Variants in GDA observed in about 807,000 individuals in gnomAD.
GDA encodes the protein guanine deaminase.
A neutral mutation model predicts 59.6 loss-of-function variants in GDA; 18 were observed. The observed-to-expected ratio is 0.30, with a 90% CI of 0.21 to 0.45. The LOEUF is 0.45. Among genes scored for constraint, GDA ranks in the 20% least tolerant of loss-of-function variants. The pLI, the probability that GDA is intolerant of heterozygous loss-of-function variation, is 1.00. For synonymous variants in GDA, 201 were observed against 201.1 expected (o/e 1.00, Z 0.00); for missense variants, 427 against 552.3 (o/e 0.77, Z 2.27).
chr9:72,149,726 T>C lies in GDA; in HGVS notation c.123+44T>C, dbSNP rs1826913248. 5 of 1,555,686 alleles carry C rather than the reference T, an allele frequency of 3.2e-6. No individual in the cohort carries two copies. In the East Asian group the frequency reaches 1.2e-4, roughly 39 times the overall value. On this transcript the variant is annotated intron_variant, in intron 1 of 13. Transcript: ENST00000358399. ...GAGCGCACTCCGACGGGCGGGAGGA[T>C]AGGTGCAAGGAACCTGGCGCGGTGC...
chr9:72,232,219 T>G (rs1838442613), intron 10 of GDA, among the ~76,000 whole-genome samples: 1 of 152,204 alleles, frequency 6.6e-6, no homozygotes, highest in African/African-American at 2.4e-5. Flanking sequence ...TTCCTCATAT[T>G]TAAGAGCATC....
intron 1 of GDA, among the ~76,000 whole-genome samples, chr9:72,133,299 A>ATAATAATAATAAT (rs1481794431): frequency 1.3e-5 from 1 of 77,800 alleles, no homozygotes; most frequent in Non-Finnish European, 2.4e-5. Context: ...AAAAAAAAAA[A>ATAATAATAATAAT]AAAAAAAAAA....
intron 4 of GDA, 40 bp from the exon 5 acceptor site, chr9:72,213,846 A>G: frequency 1.7e-6 from 2 of 1,147,824 alleles, no homozygotes; most frequent in Non-Finnish European, 2.6e-6. Flanking sequence ...TGTTTCAGAA[A>G]CAAACATGCC....
At chr9:72,216,416 G>A (rs959866375) in intron 5 of GDA, among the ~76,000 whole-genome samples, 2 of 152,190 alleles carry the variant, frequency 1.3e-5, no homozygotes, top group African/African-American at 4.8e-5. Flanking sequence ...GCACCAAATA[G>A]TGGAAACAAC....
chr9:72,144,375 A>G (rs1826547324), upstream of GDA, among the ~76,000 whole-genome samples: 1 of 152,214 alleles, frequency 6.6e-6, no homozygotes, highest in African/African-American at 2.4e-5. Flanking sequence ...AGTATATATA[A>G]TAATACGACA....
rs186651904 is a variant in GDA at position 72,121,225 on chromosome 9, A to G, written c.-100+6392A>G. Reference sequence around the variant, plus strand: ...ATGCACATGAGGGAAATGAAACTCCAAAAGGATAAGCACCAACCAAGATTA... The same window carrying G: ...ATGCACATGAGGGAAATGAAACTCCGAAAGGATAAGCACCAACCAAGATTA... On this transcript the variant is annotated intron_variant, in intron 1 of 13. Transcript: ENST00000545168. 3.1e-3 allele frequency among the ~76,000 whole-genome samples: 476 copies of G among 152,332 alleles called. 2 individuals carry two copies. Among genetic ancestry groups the G allele is most frequent in the African/African-American group, 7.9e-3 (328 of 41,576 alleles).
At chr9:72,161,638 TTGGTTTTGTATTA>T (rs1236034525) in intron 1 of GDA, among the ~76,000 whole-genome samples, 1 of 152,206 alleles carries the variant, frequency 6.6e-6, no homozygotes, top group Non-Finnish European at 1.5e-5. Flanking sequence ...CTTGCTTCTT[TTGGTTTTGTATTA>T]TGGTTTATTA....
At chr9:72,246,615 C>T (rs1241165963) in intron 12 of GDA, among the ~76,000 whole-genome samples, 2 of 152,084 alleles carry the variant, frequency 1.3e-5, no homozygotes, top group African/African-American at 4.8e-5. Flanking sequence ...CTAGAGAGAA[C>T]TTAGCAAGGC....
chr9:72,250,331 A>C lies in GDA; in HGVS notation c.*1989A>C. The C allele has an allele frequency of 1.9e-6, 2 of 1,035,404 alleles. No individual in the cohort carries two copies. The highest frequency in any genetic ancestry group is 2.3e-6 in the Non-Finnish European group (2 of 862,046). 64.1% of individuals were successfully genotyped at this position (1,035,404 alleles called of 1,614,324 possible). A position where few individuals can be genotyped will look rare whatever the true frequency, so the allele number is the denominator to read the frequency against. On this transcript the variant is annotated 3_prime_UTR_variant, in exon 14 of 14. Transcript: ENST00000358399. ...GGTGTACATTTTGATGTTGAACATCAGTTTTCATGTAGACTTAGGACTCAT... is the reference window on the plus strand; with the variant it reads ...GGTGTACATTTTGATGTTGAACATCCGTTTTCATGTAGACTTAGGACTCAT...
chr9:72,235,688 C>T (rs1395273182), intron 10 of GDA, among the ~76,000 whole-genome samples: 1 of 116,362 alleles, frequency 8.6e-6, no homozygotes, highest in Non-Finnish European at 1.8e-5. Flanking sequence ...CAGAGAGAGA[C>T]TCAAAAAAAA....
intron 1 of GDA, among the ~76,000 whole-genome samples, chr9:72,122,634 T>TACACACACACAC (rs112045510): frequency 6.8e-5 from 10 of 147,392 alleles, no homozygotes; most frequent in African/African-American, 1.0e-4. Flanking sequence ...TGTATACATT[T>TACACACACACAC]ACACACACAC....
intron 1 of GDA, among the ~76,000 whole-genome samples, chr9:72,130,745 G>C (rs1825998865): frequency 6.6e-6 from 1 of 152,220 alleles, no homozygotes; most frequent in Admixed American, 6.5e-5. Flanking sequence ...AGACTTTAGA[G>C]TGAAATTGAT....
At chr9:72,148,554 G>A (rs909011467), upstream of GDA, among the ~76,000 whole-genome samples, 4 of 152,110 alleles carry the variant, frequency 2.6e-5, no homozygotes, top group Non-Finnish European at 5.9e-5. Flanking sequence ...CAAGTAAAGC[G>A]CCACAAGAGG....
At chr9:72,193,822 A>C (rs903384393) in intron 1 of GDA, 2 of 152,216 alleles carry the variant, frequency 1.3e-5, no homozygotes, top group Non-Finnish European at 2.9e-5. Context: ...CTGGTGTTCT[A>C]TTGTACTGTG....
downstream of GDA, among the ~76,000 whole-genome samples, chr9:72,258,318 GA>G (rs199634771): frequency 4.0e-5 from 6 of 149,356 alleles, no homozygotes; most frequent in East Asian, 2.0e-4. Context: ...GCCTCAAAAA[GA>G]AAAAAAAAGA....
At chr9:72,125,386 C>T (rs1230042099) in intron 1 of GDA, among the ~76,000 whole-genome samples, 6 of 134,528 alleles carry the variant, frequency 4.5e-5, no homozygotes, top group African/African-American at 1.1e-4. Context: ...GACAGGATCT[C>T]GCTCTGTCAC....
intron 2 of GDA, among the ~76,000 whole-genome samples, chr9:72,200,557 T>C (rs1833858541): frequency 6.6e-6 from 1 of 151,372 alleles, no homozygotes; most frequent in Admixed American, 6.6e-5. Context: ...TTCTCTGGAC[T>C]CTCCACAGGG....
downstream of GDA, among the ~76,000 whole-genome samples, chr9:72,256,231 G>A (rs1587828504): frequency 1.3e-5 from 2 of 152,092 alleles, no homozygotes; most frequent in African/African-American, 2.4e-5. Flanking sequence ...CAAAATAATG[G>A]CCTATTAAGT....
chr9:72,154,286 C>T (rs1827625303), intron 1 of GDA, among the ~76,000 whole-genome samples: 1 of 152,184 alleles, frequency 6.6e-6, no homozygotes, highest in Non-Finnish European at 1.5e-5. Flanking sequence ...GCCTGAGCCT[C>T]CGTTTCCTCA....
Sources: gnomAD v4.1 joint callset for allele counts (sites outside exome capture counted in the v4.1 genomes callset) on GRCh38, gnomAD v4.1.1 for gene constraint, MANE v1.5 for transcripts, NCBI Gene and HGNC (gene_info 2026-07-23, HGNC 2026-07-21) for gene names.